CSMD1: variants seen among roughly 807,000 people sequenced by gnomAD.
The protein encoded by CSMD1 is CUB and Sushi multiple domains 1.
CSMD1 carries 213 observed loss-of-function variants against 417.5 expected under a neutral mutation model. The ratio of observed to expected loss-of-function variants is 0.51; its 90% confidence interval spans 0.46 to 0.57. The LOEUF is 0.57. CSMD1 is among the 20% of genes least tolerant of loss of function. CSMD1 has a pLI of 0.00. For synonymous variants in CSMD1, 2,862 were observed against 1,736.8 expected (o/e 1.65, Z -16.11); for missense variants, 6,923 against 4,529.7 (o/e 1.53, Z -15.17).
intron 2 of CSMD1, among the ~76,000 whole-genome samples, chr8:4,430,791 A>G (rs895201806): frequency 2.6e-5 from 4 of 152,222 alleles, no homozygotes; most frequent in Non-Finnish European, 5.9e-5. Context: ...AAATGACATT[A>G]AAACAGTAAC....
rs550543403 is a variant in CSMD1, at chr8:4,692,437, G to A, written c.86-54879C>T. 2.2e-4 allele frequency among the ~76,000 whole-genome samples: 33 copies of A among 152,300 alleles called. 1 individual carries two copies. In the South Asian group the frequency reaches 4.6e-3, roughly 21 times the overall value. ...TCGTGGCCAGGATTTTTAAAGAGTA[G>A]ACCGTCCTTGAAGCTCCTGGCTATG... On this transcript the variant is annotated intron_variant, in intron 1 of 69. Transcript: ENST00000635120.
At chr8:4,396,962 C>T (rs1371457324) in intron 3 of CSMD1, among the ~76,000 whole-genome samples, 1 of 151,942 alleles carries the variant, frequency 6.6e-6, no homozygotes, top group East Asian at 1.9e-4. Flanking sequence ...GCACCAAAGT[C>T]TCAGAAATCA....
intron 5 of CSMD1, among the ~76,000 whole-genome samples, chr8:3,859,765 T>C (rs980901429): frequency 1.3e-5 from 2 of 152,164 alleles, no homozygotes; most frequent in Admixed American, 1.3e-4. Flanking sequence ...CAATCCTGAA[T>C]ACTGCTGCAT....
At chr8:3,792,813 G>C (rs1254908898) in intron 5 of CSMD1, among the ~76,000 whole-genome samples, 1 of 152,178 alleles carries the variant, frequency 6.6e-6, no homozygotes, top group Non-Finnish European at 1.5e-5. Flanking sequence ...TAATGACAGA[G>C]AAACAACTAC....
rs780338762 is a variant in CSMD1, at chr8:3,616,725, G to T, written c.1082C>A (p.Ala361Glu). 6.2e-7 allele frequency: 1 copy of T among 1,610,610 alleles called. No homozygotes were observed. The highest frequency in any genetic ancestry group is 1.1e-5 in the South Asian group (1 of 90,936). The change falls in exon 8 of 70, where the codon GCA becomes GAA. Residue 361 changes from alanine to glutamate, a missense_variant. Physicochemically the swap from Ala to Glu is moderately radical, Grantham distance 107. Coordinates refer to ENST00000635120, the MANE Select transcript of CSMD1 (RefSeq NM_033225.6). ...DPGIPENGRR[A>E]GSDFRVGANV... ...TATCTCTTACCTGAAGTCGGAACCT[G>T]CTCTTCTACCATTTTCTGGAATCCC...
At chr8:4,947,300 T>C (rs966112006) in intron 1 of CSMD1, among the ~76,000 whole-genome samples, 3 of 152,150 alleles carry the variant, frequency 2.0e-5, no homozygotes, top group African/African-American at 7.2e-5. Context: ...ATAAGACCAT[T>C]TGGTAGTTTG....
At position 4,115,778 on chromosome 8, in the gene CSMD1, T is replaced by C. The variant is rs191122204; in HGVS notation, c.416-83679A>G. 2.6e-4 allele frequency among the ~76,000 whole-genome samples: 39 copies of C among 151,842 alleles called. No homozygotes were observed. In the East Asian group the frequency reaches 7.6e-3, roughly 30 times the overall value. On this transcript the variant is annotated intron_variant, in intron 3 of 69. Transcript: ENST00000635120. ...TAAAAAGAAATAAGCTATCAAGCCA[T>C]GAAAAGTCATGGTGGAATGTAAATC... is the stretch of plus-strand genomic sequence containing the variant.
At chr8:4,062,184 C>T (rs2554706) in intron 3 of CSMD1, among the ~76,000 whole-genome samples, 16 of 151,824 alleles carry the variant, frequency 1.1e-4, no homozygotes, top group African/African-American at 3.6e-4. Context: ...TGCCAAGTGA[C>T]GGGAGTGAGG....
chr8:4,343,837 G>A (rs1800626048), intron 3 of CSMD1, among the ~76,000 whole-genome samples: 1 of 152,028 alleles, frequency 6.6e-6, no homozygotes, highest in African/African-American at 2.4e-5. Flanking sequence ...ACTTCAATTT[G>A]TTTTTCTCGT....
At chr8:3,405,402 G>C (rs1433093956) in intron 15 of CSMD1, among the ~76,000 whole-genome samples, 1 of 152,066 alleles carries the variant, frequency 6.6e-6, no homozygotes, top group South Asian at 2.1e-4. Context: ...AACCAGAACA[G>C]AAATATGAAG....
intron 5 of CSMD1, among the ~76,000 whole-genome samples, chr8:3,982,985 C>T (rs1354203991): frequency 1.3e-5 from 2 of 152,034 alleles, no homozygotes; most frequent in Non-Finnish European, 2.9e-5. Flanking sequence ...CAAATAGGGC[C>T]CCTAGAGCTA....
At chr8:3,672,091 A>G (rs116265489) in intron 7 of CSMD1, among the ~76,000 whole-genome samples, 2,325 of 152,272 alleles carry the variant, frequency 0.015, 57 homozygotes, top group African/African-American at 0.053. Flanking sequence ...TATCATTCTA[A>G]AAGGTTGATG....
intron 5 of CSMD1, among the ~76,000 whole-genome samples, chr8:3,902,141 A>T (rs1272751187): frequency 6.6e-6 from 1 of 152,200 alleles, no homozygotes; most frequent in Non-Finnish European, 1.5e-5. Context: ...GTAACACAAC[A>T]ATCTTCAAGC....
chr8:4,235,360 GTTT>G (rs150464000), intron 3 of CSMD1, among the ~76,000 whole-genome samples: 1 of 148,636 alleles, frequency 6.7e-6, no homozygotes, highest in Non-Finnish European at 1.5e-5. Context: ...GACGTGTTTT[GTTT>G]TTTTTTTGTT....
At chr8:3,838,929 T>TA (rs1802906789) in intron 5 of CSMD1, among the ~76,000 whole-genome samples, 1 of 105,328 alleles carries the variant, frequency 9.5e-6, no homozygotes, top group East Asian at 2.3e-4. Flanking sequence ...AGTCTCTCTA[T>TA]TTATATATAA....
intron 37 of CSMD1, among the ~76,000 whole-genome samples, chr8:3,165,110 G>C (rs929544388): frequency 2.6e-5 from 4 of 152,002 alleles, no homozygotes; most frequent in African/African-American, 9.7e-5. Context: ...TCTATGCAGA[G>C]CACAATATTT....
chr8:3,958,191 A>G (rs935313295), intron 5 of CSMD1, among the ~76,000 whole-genome samples: 6 of 152,228 alleles, frequency 3.9e-5, no homozygotes, highest in Admixed American at 2.0e-4. Flanking sequence ...TTTTGGAGAA[A>G]ACAAATATCT....
chr8:4,386,394 T>C (rs1329491925), intron 3 of CSMD1, among the ~76,000 whole-genome samples: 1 of 152,086 alleles, frequency 6.6e-6, no homozygotes, highest in Non-Finnish European at 1.5e-5. Context: ...CTAAGTTCCA[T>C]CCCCGGTTAT....
chr8:3,590,348 T>C (rs778776592), intron 8 of CSMD1, among the ~76,000 whole-genome samples: 1 of 152,198 alleles, frequency 6.6e-6, no homozygotes, highest in Non-Finnish European at 1.5e-5. Flanking sequence ...AGGCTGTTTC[T>C]ATTAGACCGT....
Sources: gnomAD v4.1 joint callset for allele counts (sites outside exome capture counted in the v4.1 genomes callset) on GRCh38, gnomAD v4.1.1 for gene constraint, MANE v1.5 for transcripts, NCBI Gene and HGNC (gene_info 2026-07-23, HGNC 2026-07-21) for gene names.